The following SNTG1 variants were observed in gnomAD, a reference collection of about 807,000 sequenced individuals.
SNTG1 encodes the protein syntrophin gamma 1.
Under a neutral mutation model 74.7 loss-of-function variants are expected in SNTG1, and 39 were observed. The ratio of observed to expected loss-of-function variants is 0.52; its 90% CI spans 0.40 to 0.68. SNTG1 has a LOEUF of 0.68. SNTG1 is among the 30% of genes least tolerant of loss of function. The pLI is 0.00. For synonymous variants in SNTG1, 254 were observed against 217.1 expected, an observed-to-expected ratio of 1.17 and a Z score of -1.49; for missense variants, 685 against 609.5, an observed-to-expected ratio of 1.12 and a Z score of -1.30.
At chr8:50,503,257 AG>A (rs2093979358) in intron 9 of SNTG1, among the ~76,000 whole-genome samples, 2 of 152,210 alleles carry the variant, frequency 1.3e-5, no homozygotes, top group African/African-American at 4.8e-5. Context: ...TTCTGATGAG[AG>A]AAGATGAAAA....
chr8:50,226,646 T>A (rs1168410322), intron 2 of SNTG1, among the ~76,000 whole-genome samples: 1 of 147,256 alleles, frequency 6.8e-6, no homozygotes, highest in Non-Finnish European at 1.5e-5. Context: ...ACGTTTAAAT[T>A]TACCTATAAT....
chr8:50,268,153 A>G (rs1207557258), intron 2 of SNTG1, among the ~76,000 whole-genome samples: 1 of 152,190 alleles, frequency 6.6e-6, no homozygotes, highest in Non-Finnish European at 1.5e-5. Context: ...ATACAATACC[A>G]TTTAAAATGT....
At chr8:50,375,466 T>C (rs577296103) in intron 2 of SNTG1, among the ~76,000 whole-genome samples, 4 of 152,084 alleles carry the variant, frequency 2.6e-5, no homozygotes, top group African/African-American at 7.2e-5. Context: ...ATCAAGGGCA[T>C]GGCAGCTGTG....
chr8:50,233,322 T>C (rs2085727242), intron 2 of SNTG1, among the ~76,000 whole-genome samples: 1 of 151,598 alleles, frequency 6.6e-6, no homozygotes, highest in Non-Finnish European at 1.5e-5. Context: ...GATAGTCTTT[T>C]CAAAAAATGG....
At chr8:50,627,333 A>G (rs1311913208) in intron 13 of SNTG1, among the ~76,000 whole-genome samples, 1 of 152,198 alleles carries the variant, frequency 6.6e-6, no homozygotes, top group Non-Finnish European at 1.5e-5. Context: ...ACCATCATGA[A>G]TGGATTAAAG....
intron 2 of SNTG1, among the ~76,000 whole-genome samples, chr8:50,393,959 G>T (rs980183778): frequency 6.6e-6 from 1 of 152,174 alleles, no homozygotes; most frequent in Non-Finnish European, 1.5e-5. Flanking sequence ...GGGGTGGAAA[G>T]GTGCCTGGAA....
chr8:50,641,611 C>T (rs150141094), intron 13 of SNTG1, among the ~76,000 whole-genome samples: 35 of 152,304 alleles, frequency 2.3e-4, no homozygotes, highest in Non-Finnish European at 4.3e-4. Flanking sequence ...AATCCAATAA[C>T]GATTTGCCCC....
At chr8:50,610,371 C>T (rs1371832393) in intron 13 of SNTG1, among the ~76,000 whole-genome samples, 1 of 152,150 alleles carries the variant, frequency 6.6e-6, no homozygotes, top group African/African-American at 2.4e-5. Flanking sequence ...AGCCAGTTCT[C>T]AAGTTCTACT....
chr8:50,234,369 G>A (rs371723958), intron 2 of SNTG1, among the ~76,000 whole-genome samples: 4 of 151,846 alleles, frequency 2.6e-5, no homozygotes, highest in East Asian at 1.9e-4. Flanking sequence ...AGTGGATTGC[G>A]TGGGTTAGGG....
chr8:49,933,252 T>A (rs1807757261), intron 1 of SNTG1, among the ~76,000 whole-genome samples: 1 of 152,198 alleles, frequency 6.6e-6, no homozygotes, highest in East Asian at 1.9e-4. Flanking sequence ...TTTTTCCTCA[T>A]CCTCGCCAAT....
chr8:50,404,974 A>G (rs574424210), intron 4 of SNTG1, among the ~76,000 whole-genome samples: 2 of 152,194 alleles, frequency 1.3e-5, no homozygotes, highest in Admixed American at 6.5e-5. Flanking sequence ...GTTGAAGCAT[A>G]TATCAGAATT....
chr8:50,724,533 A>G (rs781633037), intron 17 of SNTG1, among the ~76,000 whole-genome samples: 10 of 152,196 alleles, frequency 6.6e-5, no homozygotes, highest in Non-Finnish European at 7.3e-5. Flanking sequence ...TCTCTAAAAT[A>G]TAAACATATA....
chr8:50,177,396 C>T (rs2083038873), intron 2 of SNTG1, among the ~76,000 whole-genome samples: 1 of 152,164 alleles, frequency 6.6e-6, no homozygotes, highest in South Asian at 2.1e-4. Flanking sequence ...CTTGTGTCAG[C>T]TGCAGTCAGT....
Position 50,111,828 on chromosome 8 carries a change from G to A in SNTG1, c.-102-60733G>A, listed in dbSNP as rs998389274. On this transcript the variant is annotated intron_variant, in intron 1 of 18. Coordinates refer to ENST00000642720, the MANE Select transcript of SNTG1 (RefSeq NM_018967.5). ...CAAATAACAGGAGTTGAAATGGAAA[G>A]TAAGGAAAAGAAAGTATCAGAAGAA... Among the ~76,000 whole-genome samples, 8 of 151,892 alleles carry A rather than the reference G, an allele frequency of 5.3e-5. No homozygotes were observed. The East Asian group carries it at 1.5e-3, about 29-fold the overall frequency.
chr8:50,008,453 G>A (rs1046133081), intron 1 of SNTG1, among the ~76,000 whole-genome samples: 1 of 152,114 alleles, frequency 6.6e-6, no homozygotes, highest in Non-Finnish European at 1.5e-5. Flanking sequence ...TAGAAATTGG[G>A]TCTAGTCTTC....
chr8:50,224,836 C>T (rs542387870), intron 2 of SNTG1, among the ~76,000 whole-genome samples: 24 of 152,246 alleles, frequency 1.6e-4, no homozygotes, highest in African/African-American at 5.5e-4. Context: ...AAATATATTG[C>T]CCTGATGTAT....
intron 4 of SNTG1, among the ~76,000 whole-genome samples, chr8:50,432,740 T>C (rs955164175): frequency 6.6e-6 from 1 of 151,888 alleles, no homozygotes; most frequent in Non-Finnish European, 1.5e-5. Flanking sequence ...GTTAGATTTA[T>C]ACCAAAATAT....
intron 2 of SNTG1, among the ~76,000 whole-genome samples, chr8:50,353,635 G>A (rs1351008693): frequency 2.0e-5 from 3 of 152,148 alleles, no homozygotes. Context: ...TACGTAATGA[G>A]CATTTATTTG....
intron 16 of SNTG1, among the ~76,000 whole-genome samples, chr8:50,705,958 A>C (rs550946317): frequency 3.3e-5 from 5 of 152,348 alleles, no homozygotes; most frequent in East Asian, 3.9e-4. Flanking sequence ...TTGAAAACAA[A>C]TGTGGTGAAT....
Sources: gnomAD v4.1 joint callset for allele counts (sites outside exome capture counted in the v4.1 genomes callset) on GRCh38, gnomAD v4.1.1 for gene constraint, MANE v1.5 for transcripts, NCBI Gene and HGNC (gene_info 2026-07-23, HGNC 2026-07-21) for gene names.